The following NTM variants were observed in gnomAD, a reference collection of about 807,000 sequenced individuals.
NTM encodes IgLON family member 2.
NTM carries 13 observed loss-of-function variants against 42.1 expected under a neutral mutation model. The observed-to-expected ratio is 0.31, with a 90% confidence interval of 0.20 to 0.49. The LOEUF (loss-of-function observed/expected upper bound fraction) is 0.49, where lower values mean the gene tolerates loss of function less well. Ranked by LOEUF, NTM falls within the 20% of genes least tolerant of loss-of-function variation. The probability of loss-of-function intolerance (pLI) is 0.99; values close to 1 mark genes in which losing one functional copy is unlikely to be tolerated. For missense variants in NTM, 373 were observed against 452.8 expected (o/e 0.82, Z 1.60); for synonymous variants, 187 against 179.2 (o/e 1.04, Z -0.35).
intron 1 of NTM, among the ~76,000 whole-genome samples, chr11:131,469,166 C>A (rs1468019145): frequency 6.6e-6 from 1 of 152,162 alleles, no homozygotes; most frequent in African/African-American, 2.4e-5. Context: ...CTGCATCTCC[C>A]CTCCCCACCC....
At chr11:132,315,026 GAAAAGATCCCGAGATAGGAGA>G in intron 7 of NTM, 1 of 1,107,418 alleles carries the variant, frequency 9.0e-7, no homozygotes, top group Non-Finnish European at 1.1e-6. Flanking sequence ...TTCTATAATG[GAAAAGATCCCGAGATAGGAGA>G]AAAATACTTT....
At chr11:131,434,024 A>G (rs1380443485) in intron 1 of NTM, among the ~76,000 whole-genome samples, 1 of 152,044 alleles carries the variant, frequency 6.6e-6, no homozygotes, top group Non-Finnish European at 1.5e-5. Context: ...TTCAGTTCCC[A>G]CCTATGAGTG....
chr11:131,492,201 C>T (rs1015824630), intron 1 of NTM, among the ~76,000 whole-genome samples: 2 of 152,180 alleles, frequency 1.3e-5, no homozygotes, highest in African/African-American at 2.4e-5. Context: ...CAGCATCTCA[C>T]TTACAGTCCT....
chr11:131,886,770 G>T (rs916860066), intron 1 of NTM, among the ~76,000 whole-genome samples: 1 of 152,176 alleles, frequency 6.6e-6, no homozygotes, highest in Non-Finnish European at 1.5e-5. Flanking sequence ...TGCTAACGAT[G>T]TTTCTGTGCT....
intron 1 of NTM, among the ~76,000 whole-genome samples, chr11:131,373,101 G>A (rs956446234): frequency 2.6e-5 from 4 of 152,140 alleles, no homozygotes; most frequent in Non-Finnish European, 5.9e-5. Context: ...AACGCAGAAC[G>A]ACCCCCAAAG....
intron 2 of NTM, among the ~76,000 whole-genome samples, chr11:132,007,523 G>C (rs908709027): frequency 1.3e-5 from 2 of 152,148 alleles, no homozygotes; most frequent in Admixed American, 6.5e-5. Context: ...TTTCCAGGCA[G>C]ATATTTCTGA....
At chr11:131,408,256 T>TTTGA (rs2135733308) in intron 1 of NTM, among the ~76,000 whole-genome samples, 1 of 152,300 alleles carries the variant, frequency 6.6e-6, no homozygotes, top group East Asian at 1.9e-4. Context: ...TGCTCACGTT[T>TTTGA]GCAAAATATT....
chr11:131,930,256 G>A (rs1592953313), intron 2 of NTM, among the ~76,000 whole-genome samples: 1 of 152,188 alleles, frequency 6.6e-6, no homozygotes, highest in South Asian at 2.1e-4. Context: ...GACAGTGGAA[G>A]TGAGTGGGAC....
At chr11:131,996,293 C>A (rs570213485) in intron 2 of NTM, among the ~76,000 whole-genome samples, 14 of 152,148 alleles carry the variant, frequency 9.2e-5, no homozygotes, top group African/African-American at 2.7e-4. Context: ...TTCCCCTGAC[C>A]CCCTCCCCTG....
intron 2 of NTM, among the ~76,000 whole-genome samples, chr11:131,974,067 T>G (rs1194194419): frequency 6.8e-5 from 4 of 58,910 alleles, no homozygotes; most frequent in Admixed American, 3.3e-4. Flanking sequence ...CTTAATAACA[T>G]TTTCTTTTCT....
intron 2 of NTM, among the ~76,000 whole-genome samples, chr11:132,037,846 T>A (rs1326932064): frequency 6.6e-6 from 1 of 152,216 alleles, no homozygotes; most frequent in Non-Finnish European, 1.5e-5. Context: ...GGTAATATTG[T>A]GATTATATAT....
chr11:131,690,668 A>G (rs972002374), intron 1 of NTM, among the ~76,000 whole-genome samples: 2 of 152,102 alleles, frequency 1.3e-5, no homozygotes, highest in Middle Eastern at 3.2e-3. Flanking sequence ...TGAGTGCGGG[A>G]GAATGGCTGG....
chr11:131,778,223 G>A (rs962605810), intron 1 of NTM, among the ~76,000 whole-genome samples: 10 of 152,198 alleles, frequency 6.6e-5, no homozygotes, highest in Admixed American at 5.9e-4. Flanking sequence ...TGAAACCCGT[G>A]GTGATAGTTG....
intron 2 of NTM, among the ~76,000 whole-genome samples, chr11:131,982,481 G>T (rs2065407416): frequency 2.0e-5 from 3 of 152,056 alleles, no homozygotes; most frequent in South Asian, 4.1e-4. Context: ...AGACACAGCT[G>T]CTCCTGAAAG....
rs115880477 is a variant in NTM at position 131,717,908 on chromosome 11, T to C, written c.83-193656T>C. On this transcript the variant is annotated intron_variant, in intron 1 of 8. Transcript: ENST00000683400. Reference sequence around the variant, plus strand: ...TTCTCTTAATTTGCTGAGAGGTTTATAAAAATTAGGAACAGATGTTACAGT... The same window carrying C: ...TTCTCTTAATTTGCTGAGAGGTTTACAAAAATTAGGAACAGATGTTACAGT... 8.9e-3 allele frequency among the ~76,000 whole-genome samples: 1,359 copies of C among 152,316 alleles called. 24 individuals are homozygous for C. Among genetic ancestry groups the C allele is most frequent in the African/African-American group, 0.027 (1,114 of 41,590 alleles).
intron 1 of NTM, among the ~76,000 whole-genome samples, chr11:131,896,805 C>A (rs535601319): frequency 2.2e-3 from 337 of 151,416 alleles, no homozygotes; most frequent in African/African-American, 7.9e-3. Context: ...TCTCCTGCCT[C>A]AGCCTCCGGA....
chr11:132,043,764 C>T (rs1594057699), intron 2 of NTM, among the ~76,000 whole-genome samples: 1 of 152,304 alleles, frequency 6.6e-6, no homozygotes, highest in East Asian at 1.9e-4. Flanking sequence ...CGAGTAGTAT[C>T]AGGTGGTGTC....
chr11:131,878,595 ATATATATATATATATAT>A (rs1367066437), intron 1 of NTM, among the ~76,000 whole-genome samples: 546 of 11,146 alleles, frequency 0.049, 122 homozygotes, highest in East Asian at 0.16. Flanking sequence ...AAAAAAAAAA[ATATATATATATATATAT>A]ATATATATAT....
At chr11:131,891,544 T>C (rs605749) in intron 1 of NTM, among the ~76,000 whole-genome samples, 9,456 of 152,154 alleles carry the variant, frequency 0.062, 332 homozygotes, top group East Asian at 0.15. Context: ...AGTTTAGCCA[T>C]GACATCCTGA....
Sources: allele counts gnomAD v4.1 joint callset (sites outside exome capture counted in the v4.1 genomes callset), GRCh38; gene constraint gnomAD v4.1.1; transcripts MANE v1.5; gene names NCBI Gene and HGNC (gene_info 2026-07-23, HGNC 2026-07-21).